The following AGBL4 variants were observed in gnomAD, a reference collection of about 807,000 sequenced individuals.
AGBL4 encodes AGBL carboxypeptidase 4.
In AGBL4, 58 loss-of-function variants were observed where a neutral mutation model predicts 66.4. That is an observed-to-expected ratio of 0.87 (90% CI 0.71 to 1.09). The LOEUF is 1.09. Among genes scored for constraint, AGBL4 ranks in the 50% least tolerant of loss-of-function variants. The pLI is 0.00. For synonymous variants in AGBL4, 234 were observed against 222.9 expected (o/e 1.05, Z -0.44); for missense variants, 579 against 631.0 (o/e 0.92, Z 0.88).
chr1:49,043,157 A>T (rs980345365), intron 5 of AGBL4, among the ~76,000 whole-genome samples: 7 of 152,164 alleles, frequency 4.6e-5, no homozygotes, highest in Non-Finnish European at 1.0e-4. Flanking sequence ...TATACTGTTA[A>T]TTGGACCAGG....
chr1:49,617,084 G>A (rs553470019), intron 3 of AGBL4, among the ~76,000 whole-genome samples: 6 of 152,194 alleles, frequency 3.9e-5, no homozygotes, highest in South Asian at 2.1e-4. Flanking sequence ...CATTGTAAGC[G>A]CTTACATTGG....
At chr1:49,468,861 G>A (rs1217550292) in intron 3 of AGBL4, among the ~76,000 whole-genome samples, 1 of 151,734 alleles carries the variant, frequency 6.6e-6, no homozygotes, top group Non-Finnish European at 1.5e-5. Context: ...AATTTCCTCA[G>A]TAAATGAAGA....
At chr1:49,839,444 C>G (rs1278458521) in intron 2 of AGBL4, among the ~76,000 whole-genome samples, 2 of 151,954 alleles carry the variant, frequency 1.3e-5, no homozygotes, top group Non-Finnish European at 2.9e-5. Context: ...GAGATAATGG[C>G]CTTATAAGGT....
intron 3 of AGBL4, among the ~76,000 whole-genome samples, chr1:49,251,647 G>T (rs1402923060): frequency 1.3e-5 from 2 of 152,296 alleles, no homozygotes; most frequent in East Asian, 1.9e-4. Context: ...TGTAGTGAAT[G>T]CCTGCAGGGA....
At chr1:49,306,388 T>C (rs749620044) in intron 3 of AGBL4, among the ~76,000 whole-genome samples, 44 of 152,202 alleles carry the variant, frequency 2.9e-4, no homozygotes, top group South Asian at 1.2e-3. Flanking sequence ...TCATGCTTAT[T>C]GAAAAACAGG....
At chr1:48,702,875 C>T (rs1646824771) in intron 6 of AGBL4, among the ~76,000 whole-genome samples, 1 of 152,132 alleles carries the variant, frequency 6.6e-6, no homozygotes, top group South Asian at 2.1e-4. Context: ...CAGGCAAAAT[C>T]AGCCCACAAA....
At chr1:49,509,497 A>G (rs1162260298) in intron 3 of AGBL4, among the ~76,000 whole-genome samples, 1 of 151,948 alleles carries the variant, frequency 6.6e-6, no homozygotes, top group Non-Finnish European at 1.5e-5. Context: ...CTCTTATTCC[A>G]AAGACCACTC....
chr1:49,071,479 T>G (rs1024432414), intron 4 of AGBL4, among the ~76,000 whole-genome samples: 1 of 151,998 alleles, frequency 6.6e-6, no homozygotes, highest in Admixed American at 6.5e-5. Flanking sequence ...ACATCTTTAT[T>G]TCTGCCTTCA....
chr1:48,601,136 G>A (rs1029818100), intron 9 of AGBL4, among the ~76,000 whole-genome samples: 5 of 152,154 alleles, frequency 3.3e-5, no homozygotes, highest in African/African-American at 9.7e-5. Context: ...GTGATAAAAG[G>A]GTACTCATGA....
At chr1:49,848,708 T>G (rs1405923253) in intron 2 of AGBL4, among the ~76,000 whole-genome samples, 1 of 152,120 alleles carries the variant, frequency 6.6e-6, no homozygotes, top group Non-Finnish European at 1.5e-5. Flanking sequence ...GTCGGTACAA[T>G]GTATATTATT....
intron 3 of AGBL4, among the ~76,000 whole-genome samples, chr1:49,607,949 A>G (rs1645089571): frequency 1.3e-5 from 2 of 152,200 alleles, no homozygotes; most frequent in South Asian, 4.1e-4. Context: ...ATGTGGTTGA[A>G]TAATAGGGGA....
At chr1:49,345,269 T>C (rs1033287917) in intron 3 of AGBL4, among the ~76,000 whole-genome samples, 13 of 152,180 alleles carry the variant, frequency 8.5e-5, no homozygotes, top group African/African-American at 3.1e-4. Flanking sequence ...GCAACAATTA[T>C]AATTGTTACG....
intron 3 of AGBL4, among the ~76,000 whole-genome samples, chr1:49,428,535 A>C (rs1052773873): frequency 6.6e-6 from 1 of 152,202 alleles, no homozygotes; most frequent in African/African-American, 2.4e-5. Context: ...GCTGACTAGA[A>C]CTGAAGTGGC....
chr1:48,558,752 C>G lies in AGBL4; in HGVS notation c.1268-19014G>C, dbSNP rs971881077. Among the ~76,000 whole-genome samples the G allele has an allele frequency of 2.0e-5, 3 of 152,288 alleles. No individual in the cohort carries two copies. In the East Asian group the frequency reaches 5.8e-4, roughly 29 times the overall value. On this transcript the variant is annotated intron_variant, in intron 11 of 13. Transcript: ENST00000371839. ...GACCAAGCCTTGATGATGCTGAGTC[C>G]TTAGATCCAGTAATGCCTAAAACAA...
intron 6 of AGBL4, among the ~76,000 whole-genome samples, chr1:48,681,812 G>A (rs1570239262): frequency 6.6e-6 from 1 of 152,160 alleles, no homozygotes; most frequent in Non-Finnish European, 1.5e-5. Context: ...ACTGGGGAGT[G>A]GGGGAGGGCC....
At chr1:49,084,831 G>C (rs1037391396) in intron 4 of AGBL4, among the ~76,000 whole-genome samples, 1 of 152,144 alleles carries the variant, frequency 6.6e-6, no homozygotes, top group Non-Finnish European at 1.5e-5. Flanking sequence ...TGATTGGCTT[G>C]AGACAGCCAC....
chr1:49,562,935 T>A (rs1329726202), intron 3 of AGBL4, among the ~76,000 whole-genome samples: 2 of 152,082 alleles, frequency 1.3e-5, no homozygotes, highest in African/African-American at 4.8e-5. Flanking sequence ...TTCTTCCTAC[T>A]CATGAGCATG....
At chr1:48,856,072 GA>G (rs1014352689) in intron 6 of AGBL4, among the ~76,000 whole-genome samples, 14 of 152,128 alleles carry the variant, frequency 9.2e-5, no homozygotes, top group South Asian at 6.2e-4. Flanking sequence ...TACATGCAGA[GA>G]AAAAAAGCAA....
At chr1:49,610,465 A>G (rs1038335969) in intron 3 of AGBL4, among the ~76,000 whole-genome samples, 1 of 152,210 alleles carries the variant, frequency 6.6e-6, no homozygotes, top group Non-Finnish European at 1.5e-5. Flanking sequence ...ATGGAAAACA[A>G]AGCCACACCA....
Sources: gnomAD v4.1 joint callset for allele counts (sites outside exome capture counted in the v4.1 genomes callset) on GRCh38, gnomAD v4.1.1 for gene constraint, MANE v1.5 for transcripts, NCBI Gene and HGNC (gene_info 2026-07-23, HGNC 2026-07-21) for gene names.